The following SAMD14 variants were observed in gnomAD, a reference collection of about 807,000 sequenced individuals.
The protein encoded by SAMD14 is sterile alpha motif domain-containing protein 14.
A neutral mutation model predicts 46.2 loss-of-function variants in SAMD14; 27 were observed. That is an observed-to-expected ratio of 0.58 (90% confidence interval 0.43 to 0.81). SAMD14 has a LOEUF of 0.81. Ranked by LOEUF, SAMD14 falls within the 30% of genes least tolerant of loss-of-function variation. The pLI is 0.00. For missense variants in SAMD14, 559 were observed against 582.2 expected, an observed-to-expected ratio of 0.96 and a Z score of 0.41; for synonymous variants, 241 against 254.3, an observed-to-expected ratio of 0.95 and a Z score of 0.50.
intron 1 of SAMD14, among the ~76,000 whole-genome samples, chr17:50,128,579 C>G (rs1226783878): frequency 6.6e-6 from 1 of 152,106 alleles, no homozygotes; most frequent in African/African-American, 2.4e-5. Flanking sequence ...CCCTTCCCCC[C>G]AAGGCTTCCA....
At chr17:50,124,758 T>TGCACAC (rs1555563073) in intron 2 of SAMD14, among the ~76,000 whole-genome samples, 159 bp downstream of exon 2, 34 of 85,062 alleles carry the variant, frequency 4.0e-4, no homozygotes, top group Middle Eastern at 5.2e-3. Flanking sequence ...CCTGCACGCG[T>TGCACAC]GCACGCGCGC....
chr17:50,125,296 T>C (rs1173086419), intron 1 of SAMD14: 1 of 311,214 alleles, frequency 3.2e-6, no homozygotes, highest in East Asian at 6.8e-5. Context: ...TCCCCTTCAC[T>C]GTCTTGGGCC....
Position 50,124,771 on chromosome 17 carries a change from G to GCACGCGCACA in SAMD14, c.43+145_43+146insTGTGCGCGTG, listed in dbSNP as rs1555563138. On this transcript the variant is annotated intron_variant, in intron 2 of 9. Coordinates refer to ENST00000330175, the MANE Select transcript of SAMD14 (RefSeq NM_001257359.2). Reference sequence around the variant, plus strand: ...TACCTGCACGCGTGCACGCGCGCGCGCACACACACACACACACACACACAC... The same window carrying GCACGCGCACA: ...TACCTGCACGCGTGCACGCGCGCGCGCACGCGCACACACACACACACACACACACACACAC... The GCACGCGCACA allele has an allele frequency of 1.0e-4, 58 of 569,688 alleles. No individual in the cohort carries two copies. The African/African-American group carries it at 1.1e-3, about 11-fold the overall frequency. The allele number at this position is 569,688 out of a possible 1,614,324, so 35.3% of individuals were successfully genotyped here. A position where few individuals can be genotyped will look rare whatever the true frequency, so the allele number is the denominator to read the frequency against.
At chr17:50,120,076 A>C (rs1292019592) in intron 2 of SAMD14, among the ~76,000 whole-genome samples, 1 of 152,212 alleles carries the variant, frequency 6.6e-6, no homozygotes, top group East Asian at 1.9e-4. Context: ...GGTTCCACAT[A>C]ATCCAGGGCA....
At chr17:50,122,911 G>A (rs1192618424) in intron 2 of SAMD14, among the ~76,000 whole-genome samples, 3 of 152,066 alleles carry the variant, frequency 2.0e-5, no homozygotes, top group African/African-American at 4.8e-5. Flanking sequence ...GATTGCAGTT[G>A]TCCAGGGGGC....
In SAMD14 at chr17:50,112,760, G is replaced by T; in HGVS notation, c.*133C>A. On this transcript the variant is annotated 3_prime_UTR_variant, in exon 10 of 10. Transcript: ENST00000330175. ...CTAGACCAAGTGACAGGGTAAGAGA[G>T]AGCATGTCCCCCCTGAGAGCGTGGG... 1 of 1,060,010 alleles carries T rather than the reference G, an allele frequency of 9.4e-7. No individual in the cohort carries two copies. The highest frequency in any genetic ancestry group is 1.6e-5 in the South Asian group (1 of 62,742). 65.7% of individuals were successfully genotyped at this position (1,060,010 alleles called of 1,614,324 possible).
chr17:50,124,783 A>G (rs764802835), intron 2 of SAMD14, 134 bp downstream of exon 2: 88,836 of 749,972 alleles, frequency 0.12, 4,629 homozygotes, highest in African/African-American at 0.18. Context: ...ACACACACAC[A>G]CACACACACA....
intron 2 of SAMD14, among the ~76,000 whole-genome samples, chr17:50,122,869 TG>T (rs957020227): frequency 6.6e-6 from 1 of 151,724 alleles, no homozygotes; most frequent in Non-Finnish European, 1.5e-5. Context: ...AGGAAGGGTC[TG>T]GTTGAAATGG....
At position 50,115,730 on chromosome 17, in the gene SAMD14, AG is replaced by A; in HGVS notation, c.663-8del. The A allele has an allele frequency of 6.2e-7, 1 of 1,609,014 alleles. No individual in the cohort carries two copies. Among genetic ancestry groups the A allele is most frequent in the Non-Finnish European group, 8.5e-7 (1 of 1,176,366 alleles). The stretch of plus-strand genomic sequence containing the variant: ...GGACCCCTCCACTGACTCCCTGCAG[AG>A]AGAGTGTCCAGCATGGGTGTGGGTA... On this transcript the variant is annotated splice_region_variant and splice_polypyrimidine_tract_variant and intron_variant, in intron 6 of 9. Transcript: ENST00000330175. The surrounding 1 kb of genome is among the most constrained non-coding windows in gnomAD (Gnocchi z 5.3).
At chr17:50,122,003 A>T (rs1911525587) in intron 2 of SAMD14, among the ~76,000 whole-genome samples, 1 of 152,248 alleles carries the variant, frequency 6.6e-6, no homozygotes, top group African/African-American at 2.4e-5. Context: ...ATGACTTAGT[A>T]CGAGCTCAAC....
At chr17:50,128,747 G>A (rs1161941438) in intron 1 of SAMD14, among the ~76,000 whole-genome samples, 2 of 152,284 alleles carry the variant, frequency 1.3e-5, no homozygotes, top group East Asian at 1.9e-4. Flanking sequence ...GAAGTGAGGA[G>A]TAGGAAGAAG....
chr17:50,115,727 CAG>C lies in SAMD14; in HGVS notation c.663-6_663-5del, dbSNP rs747997655. ...GCCGGACCCCTCCACTGACTCCCTG[CAG>C]AGAGAGTGTCCAGCATGGGTGTGGG... is the stretch of plus-strand genomic sequence containing the variant. On this transcript the variant is annotated splice_region_variant and splice_polypyrimidine_tract_variant and intron_variant, in intron 6 of 9. Transcript: ENST00000330175. The surrounding 1 kb of genome is among the most constrained non-coding windows in gnomAD (Gnocchi z 5.3). 6.8e-6 allele frequency: 11 copies of C among 1,608,528 alleles called. No individual in the cohort carries two copies. In the South Asian group the frequency reaches 8.8e-5, roughly 13 times the overall value.
At chr17:50,120,874 C>T (rs553672736) in intron 2 of SAMD14, among the ~76,000 whole-genome samples, 66 of 152,252 alleles carry the variant, frequency 4.3e-4, no homozygotes, top group African/African-American at 1.6e-3. Flanking sequence ...TTATAATAGC[C>T]CCCCCACTCC....
intron 3 of SAMD14, 124 bp downstream of exon 3, chr17:50,118,037 C>G: frequency 9.7e-7 from 1 of 1,032,644 alleles, no homozygotes. Flanking sequence ...CACTTGGCAG[C>G]ATTACTAGGT....
In SAMD14 at chr17:50,118,338, G is replaced by A. The variant is rs752937234; in HGVS notation, c.44-11C>T. On this transcript the variant is annotated splice_polypyrimidine_tract_variant and intron_variant, in intron 2 of 9. Coordinates refer to ENST00000330175, the MANE Select transcript of SAMD14 (RefSeq NM_001257359.2). ...CAGCCAAGTCCAGGTCTGCGAACCG[G>A]GGGAGGGGAGCAGAGACCAGACACA... The A allele has an allele frequency of 1.2e-6, 2 of 1,610,166 alleles. No individual in the cohort carries two copies. Among genetic ancestry groups the A allele is most frequent in the Non-Finnish European group, 1.7e-6 (2 of 1,179,970 alleles).
intron 2 of SAMD14, 112 bp downstream of exon 2, chr17:50,124,805 A>ACT (rs1911691378): frequency 9.8e-6 from 10 of 1,018,916 alleles, no homozygotes; most frequent in Middle Eastern, 2.4e-4. Context: ...ACACACACAC[A>ACT]CACTCTGAAG....
chr17:50,125,821 G>A (rs116855691), intron 1 of SAMD14, among the ~76,000 whole-genome samples: 2 of 152,194 alleles, frequency 1.3e-5, no homozygotes, highest in South Asian at 4.1e-4. Context: ...ATGTAGGAGG[G>A]TACGAGGAAT....
rs573991089 is a variant in SAMD14, at chr17:50,125,153, C to T, written c.-12-182G>A. ...CTGGAATCATAACCCAGATGGTGGGCGCCGGGGCAGGCAGTATAGTAGGAG... is the reference window on the plus strand; with the variant it reads ...CTGGAATCATAACCCAGATGGTGGGTGCCGGGGCAGGCAGTATAGTAGGAG... On this transcript the variant is annotated intron_variant, in intron 1 of 9. Transcript: ENST00000330175. 143 of 593,654 alleles carry T rather than the reference C, an allele frequency of 2.4e-4. 1 individual carries two copies. Among genetic ancestry groups the T allele is most frequent in the African/African-American group, 2.2e-3 (118 of 53,544 alleles). 36.8% of individuals were successfully genotyped at this position (593,654 alleles called of 1,614,324 possible). A position where few individuals can be genotyped will look rare whatever the true frequency, so the allele number is the denominator to read the frequency against.
At chr17:50,118,139 T>C (rs1188275507) in intron 3 of SAMD14, 22 bp downstream of exon 3, 16 of 1,566,666 alleles carry the variant, frequency 1.0e-5, no homozygotes, top group Non-Finnish European at 1.4e-5. Context: ...GGTGTATATG[T>C]GTTTTCCTAA....
Sources: gnomAD v4.1 joint callset for allele counts (sites outside exome capture counted in the v4.1 genomes callset) on GRCh38, gnomAD v4.1.1 for gene constraint, Gnocchi (gnomAD v3.1) non-coding constraint, MANE v1.5 for transcripts, NCBI Gene and HGNC (gene_info 2026-07-23, HGNC 2026-07-21) for gene names.